GPHN: variants seen among roughly 807,000 people sequenced by gnomAD.
GPHN encodes gephyrin.
In GPHN, 17 loss-of-function variants were observed where a neutral mutation model predicts 95.5. That is an observed-to-expected ratio of 0.18 (90% CI 0.12 to 0.27). GPHN has a LOEUF of 0.27. GPHN is among the 10% of genes least tolerant of loss of function. The pLI, the probability that GPHN is intolerant of heterozygous loss-of-function variation, is 1.00. For missense variants in GPHN, 660 were observed against 978.1 expected, an observed-to-expected ratio of 0.67 and a Z score of 4.34; for synonymous variants, 320 against 322.5, an observed-to-expected ratio of 0.99 and a Z score of 0.08.
At chr14:67,582,210 GGTAAGGTTCT>G in the GPHN span, 1 of 1,613,684 alleles carries the variant, frequency 6.2e-7, no homozygotes, top group South Asian at 1.1e-5. The surrounding 1 kb of genome is among the most constrained non-coding windows in gnomAD (Gnocchi z 5.0). Context: ...TGATGGCCCA[GGTAAGGTTCT>G]GTTCAGGAAG....
chr14:66,964,145 A>G (rs7146942), intron 8 of GPHN, among the ~76,000 whole-genome samples: 4 of 152,138 alleles, frequency 2.6e-5, no homozygotes, highest in African/African-American at 4.8e-5. Flanking sequence ...AAAATAATCT[A>G]CAGTATTAGT....
At chr14:66,774,314 T>TTTTAATGTAGATATCA (rs2059302790) in intron 2 of GPHN, among the ~76,000 whole-genome samples, 1 of 152,088 alleles carries the variant, frequency 6.6e-6, no homozygotes, top group Non-Finnish European at 1.5e-5. Context: ...ATCTACAAGG[T>TTTTAATGTAGATATCA]TTTAATGTAG....
chr14:66,782,050 G>A (rs773834432), intron 3 of GPHN, among the ~76,000 whole-genome samples: 7 of 151,996 alleles, frequency 4.6e-5, no homozygotes, highest in Non-Finnish European at 7.4e-5. Flanking sequence ...TATTACTATA[G>A]ATTTTATTTA....
At chr14:67,665,770 T>C in the GPHN span, among the ~76,000 whole-genome samples, 2 of 152,168 alleles carry the variant, frequency 1.3e-5, no homozygotes, top group Non-Finnish European at 2.9e-5. Context: ...GTCTCATTCA[T>C]TGTTGTGTGC....
intron 1 of GPHN, among the ~76,000 whole-genome samples, chr14:66,598,741 T>C (rs978353371): frequency 6.6e-6 from 1 of 150,500 alleles, no homozygotes. Context: ...GCTACTCAGG[T>C]GGCTGAGGCA....
At chr14:66,610,653 G>A (rs1296623491) in intron 1 of GPHN, among the ~76,000 whole-genome samples, 7 of 151,994 alleles carry the variant, frequency 4.6e-5, no homozygotes. Flanking sequence ...AGTGATACTT[G>A]TTAAAGTACA....
intron 1 of GPHN, among the ~76,000 whole-genome samples, chr14:66,601,954 G>A (rs760612636): frequency 2.6e-5 from 4 of 151,928 alleles, no homozygotes; most frequent in African/African-American, 9.7e-5. Flanking sequence ...AGGCATCATA[G>A]TGATTATCAT....
chr14:67,706,423 A>G, the GPHN span, among the ~76,000 whole-genome samples: 2 of 152,222 alleles, frequency 1.3e-5, no homozygotes, highest in East Asian at 3.8e-4. Context: ...ACATATGTCC[A>G]AGGTGGTCAG....
chr14:66,531,999 C>T (rs751578209), intron 1 of GPHN, among the ~76,000 whole-genome samples: 23 of 152,234 alleles, frequency 1.5e-4, no homozygotes, highest in Admixed American at 2.0e-4. Context: ...AGTGTCCCAC[C>T]GAAATTTTAG....
At chr14:67,590,998 TAAAAG>T in the GPHN span, among the ~76,000 whole-genome samples, 3 of 151,734 alleles carry the variant, frequency 2.0e-5, no homozygotes, top group East Asian at 1.9e-4. Flanking sequence ...TAACCAAAAT[TAAAAG>T]AAAAGCCACA....
the GPHN span, among the ~76,000 whole-genome samples, chr14:67,563,065 C>T: frequency 4.7e-4 from 72 of 152,334 alleles, no homozygotes; most frequent in African/African-American, 1.7e-3. Context: ...TGAGGGTCAG[C>T]GCCAGAATTC....
intron 1 of GPHN, among the ~76,000 whole-genome samples, chr14:66,577,761 G>A (rs2060967977): frequency 6.6e-6 from 1 of 151,810 alleles, no homozygotes; most frequent in African/African-American, 2.4e-5. Context: ...CATGAGGAGA[G>A]GACGAATGAG....
chr14:66,809,433 G>A (rs1024799551), intron 3 of GPHN, among the ~76,000 whole-genome samples: 1 of 152,040 alleles, frequency 6.6e-6, no homozygotes, highest in Non-Finnish European at 1.5e-5. Context: ...ACTTAGCAAA[G>A]TACTTACATA....
At chr14:67,218,228 A>T in the GPHN span, among the ~76,000 whole-genome samples, 1,829 of 152,266 alleles carry the variant, frequency 0.012, 19 homozygotes, top group Non-Finnish European at 0.018. Context: ...CTGTGGCCAG[A>T]AGCATGATCA....
chr14:66,663,867 C>T (rs2065798843), intron 1 of GPHN, among the ~76,000 whole-genome samples: 1 of 152,078 alleles, frequency 6.6e-6, no homozygotes, highest in African/African-American at 2.4e-5. Context: ...CAACAAAGAT[C>T]AATAAAGACA....
chr14:67,537,631 C>T, the GPHN span, among the ~76,000 whole-genome samples: 1 of 151,942 alleles, frequency 6.6e-6, no homozygotes, highest in Non-Finnish European at 1.5e-5. Context: ...GTGCCACTCA[C>T]TCCAGCCTGG....
At chr14:67,510,985 A>G in the GPHN span, among the ~76,000 whole-genome samples, 1 of 152,170 alleles carries the variant, frequency 6.6e-6, no homozygotes, top group South Asian at 2.1e-4. Flanking sequence ...AGAAGTCTAG[A>G]AAAGAATCCT....
chr14:66,602,113 G>A (rs1361070928), intron 1 of GPHN, among the ~76,000 whole-genome samples: 1 of 151,780 alleles, frequency 6.6e-6, no homozygotes, highest in Non-Finnish European at 1.5e-5. Context: ...CACATAGAAA[G>A]CCCTCAGGAA....
At chr14:66,918,918 AT>A (rs575528639) in intron 6 of GPHN, among the ~76,000 whole-genome samples, 40 of 148,488 alleles carry the variant, frequency 2.7e-4, no homozygotes, top group East Asian at 1.2e-3. Flanking sequence ...AATTTTTAAG[AT>A]TTTTTTTTTT....
Sources: gnomAD v4.1 joint callset for allele counts (sites outside exome capture counted in the v4.1 genomes callset) on GRCh38, gnomAD v4.1.1 for gene constraint, Gnocchi (gnomAD v3.1) non-coding constraint, MANE v1.5 for transcripts, NCBI Gene and HGNC (gene_info 2026-07-23, HGNC 2026-07-21) for gene names.